Variants in SENP7 observed in about 807,000 individuals in gnomAD.
SENP7 encodes sentrin-specific protease 7.
In SENP7, 64 loss-of-function variants were observed where a neutral mutation model predicts 141.2. The ratio of observed to expected loss-of-function variants is 0.45; its 90% CI spans 0.37 to 0.56. The LOEUF (loss-of-function observed/expected upper bound fraction) is 0.56, where lower values mean the gene tolerates loss of function less well. SENP7 is among the 20% of genes least tolerant of loss of function. The pLI is 0.00. For missense variants in SENP7, 1,025 were observed against 1,212.2 expected (o/e 0.85, Z 2.29); for synonymous variants, 382 against 426.4 (o/e 0.90, Z 1.28).
chr3:101,483,861 A>C (rs1005680857), intron 3 of SENP7, among the ~76,000 whole-genome samples: 6 of 152,110 alleles, frequency 3.9e-5, no homozygotes, highest in Non-Finnish European at 8.8e-5. Flanking sequence ...ACCTCTACTA[A>C]AAATACAAAA....
In SENP7 at chr3:101,452,404, C is replaced by A. The variant is rs1431857993; in HGVS notation, c.284+6551G>T. 9.9e-5 allele frequency among the ~76,000 whole-genome samples: 15 copies of A among 152,230 alleles called. No homozygotes were observed. In the East Asian group the frequency reaches 2.7e-3, roughly 27 times the overall value. ...GGAACCAAAAAAGAGCCCACATTGCCAAGACAATCCTAAGCCAAAAGAACA... is the reference window on the plus strand; with the variant it reads ...GGAACCAAAAAAGAGCCCACATTGCAAAGACAATCCTAAGCCAAAAGAACA... On this transcript the variant is annotated intron_variant, in intron 4 of 23. Coordinates refer to ENST00000394095, the MANE Select transcript of SENP7 (RefSeq NM_020654.5).
intron 4 of SENP7, among the ~76,000 whole-genome samples, chr3:101,450,570 C>T (rs547740488): frequency 6.6e-6 from 1 of 152,178 alleles, no homozygotes; most frequent in Non-Finnish European, 1.5e-5. Context: ...CACTCAAAAC[C>T]ACTCAACTAC....
intron 5 of SENP7, among the ~76,000 whole-genome samples, chr3:101,415,188 G>A (rs1304278651): frequency 6.6e-6 from 1 of 152,218 alleles, no homozygotes; most frequent in East Asian, 1.9e-4. Context: ...ATTTTAAGAT[G>A]TGGAATTGGG....
chr3:101,398,167 A>C (rs2061024342), intron 6 of SENP7, among the ~76,000 whole-genome samples: 1 of 152,234 alleles, frequency 6.6e-6, no homozygotes. Context: ...GAATATAAAA[A>C]TAACGGACAA....
At chr3:101,496,033 G>GAT (rs1276023185) in intron 2 of SENP7, among the ~76,000 whole-genome samples, 1 of 152,126 alleles carries the variant, frequency 6.6e-6, no homozygotes, top group African/African-American at 2.4e-5. Flanking sequence ...TAATGTTCAT[G>GAT]ATATATAGGT....
intron 1 of SENP7, among the ~76,000 whole-genome samples, chr3:101,512,196 T>C (rs2065888705): frequency 6.6e-6 from 1 of 152,170 alleles, no homozygotes; most frequent in South Asian, 2.1e-4. Context: ...ATGAAATAAT[T>C]GATTCATTGG....
intron 1 of SENP7, among the ~76,000 whole-genome samples, chr3:101,502,406 G>A (rs1455061560): frequency 2.6e-5 from 4 of 152,148 alleles, no homozygotes; most frequent in South Asian, 4.1e-4. Flanking sequence ...GAGTTCAAGC[G>A]ATTCTTCTGC....
In SENP7 at chr3:101,417,687, C is replaced by T. The variant is rs766806076; in HGVS notation, c.388G>A (p.Val130Met). Residue 130 changes from valine to methionine, a missense_variant, in exon 5 of 24, where the codon GTG becomes ATG. Physicochemically the swap from Val to Met is conservative, Grantham distance 21 (BLOSUM62 1). Coordinates refer to ENST00000394095, the MANE Select transcript of SENP7 (RefSeq NM_020654.5). ...GTCGAAGGCAATGAGTCTGATTGCA[C>T]CTTGTTGGCATCACATAAATTAGCA... ...NDANLCDANKVQSDSLPSTSV... is the reference protein window; with the variant it reads ...NDANLCDANKMQSDSLPSTSV... 9 of 1,613,698 alleles carry T rather than the reference C, an allele frequency of 5.6e-6. No homozygotes were observed. Among genetic ancestry groups the T allele is most frequent in the East Asian group, 2.2e-5 (1 of 44,856 alleles).
intron 13 of SENP7, among the ~76,000 whole-genome samples, chr3:101,344,991 C>CAAAAAAAAA (rs71132568): frequency 1.1e-4 from 7 of 61,340 alleles, no homozygotes; most frequent in Non-Finnish European, 1.4e-4. Context: ...AAAAAGAAAG[C>CAAAAAAAAA]AAAAAAAAAA....
At chr3:101,331,876 G>C in intron 19 of SENP7, 109 bp downstream of exon 19, 1 of 1,059,380 alleles carries the variant, frequency 9.4e-7, no homozygotes, top group Non-Finnish European at 1.4e-6. Context: ...TGTTAAAGTA[G>C]GTTTAATGAT....
intron 4 of SENP7, among the ~76,000 whole-genome samples, chr3:101,443,450 T>C (rs2062759675): frequency 8.1e-6 from 1 of 123,606 alleles, no homozygotes. Context: ...TTTGGTTCCA[T>C]ATGAACTTTA....
At chr3:101,376,731 A>C (rs761658207) in intron 6 of SENP7, among the ~76,000 whole-genome samples, 8 of 152,184 alleles carry the variant, frequency 5.3e-5, no homozygotes, top group Middle Eastern at 3.2e-3. Flanking sequence ...ACATGTATAC[A>C]TATGTAACAA....
At chr3:101,446,427 A>C (rs2062899104) in intron 4 of SENP7, among the ~76,000 whole-genome samples, 1 of 152,242 alleles carries the variant, frequency 6.6e-6, no homozygotes. Flanking sequence ...CCTAACAGAC[A>C]TTTACAAAAC....
chr3:101,347,068 T>C (rs1023983993), intron 13 of SENP7, among the ~76,000 whole-genome samples: 4 of 150,820 alleles, frequency 2.7e-5, no homozygotes, highest in Non-Finnish European at 5.9e-5. Context: ...GAAAGAAGGA[T>C]AGAAATTGCC....
intron 4 of SENP7, among the ~76,000 whole-genome samples, chr3:101,438,927 G>A (rs573548435): frequency 9.0e-4 from 125 of 138,294 alleles, no homozygotes; most frequent in African/African-American, 3.0e-3. Context: ...CCAAAGTGCC[G>A]AGATTGCAGC....
intron 7 of SENP7, among the ~76,000 whole-genome samples, chr3:101,371,473 TGAAA>T (rs1312157900): frequency 6.6e-6 from 1 of 152,144 alleles, no homozygotes; most frequent in Non-Finnish European, 1.5e-5. Flanking sequence ...TTTTAATTCT[TGAAA>T]GAGAGGCAAA....
intron 6 of SENP7, among the ~76,000 whole-genome samples, chr3:101,379,500 T>C (rs2060434803): frequency 6.6e-6 from 1 of 151,914 alleles, no homozygotes; most frequent in African/African-American, 2.4e-5. Flanking sequence ...ACAAAAAAAA[T>C]CCAATTCAAA....
intron 16 of SENP7, among the ~76,000 whole-genome samples, chr3:101,338,328 T>C (rs199833057): frequency 2.6e-5 from 4 of 152,108 alleles, no homozygotes; most frequent in East Asian, 3.9e-4. Context: ...TACTCAAATA[T>C]AAAAGTGAAA....
intron 11 of SENP7, chr3:101,358,432 G>A (rs1487104949): frequency 5.0e-6 from 2 of 396,730 alleles, no homozygotes; most frequent in African/African-American, 2.1e-5. Flanking sequence ...CTATAAATGT[G>A]ATGAATGTGG....
Sources: gnomAD v4.1 joint callset for allele counts (sites outside exome capture counted in the v4.1 genomes callset) on GRCh38, gnomAD v4.1.1 for gene constraint, MANE v1.5 for transcripts, NCBI Gene and HGNC (gene_info 2026-07-23, HGNC 2026-07-21) for gene names.